Variants in DNTTIP1 observed in about 807,000 individuals in gnomAD.
DNTTIP1 encodes the protein deoxynucleotidyltransferase terminal interacting protein 1.
In DNTTIP1, 22 loss-of-function variants were observed where a neutral mutation model predicts 52.9. The ratio of observed to expected loss-of-function variants is 0.42; its 90% CI spans 0.30 to 0.59. The LOEUF (loss-of-function observed/expected upper bound fraction) is 0.59, where lower values mean the gene tolerates loss of function less well. Ranked by LOEUF, DNTTIP1 falls within the 20% of genes least tolerant of loss-of-function variation. DNTTIP1 has a pLI of 0.22. For synonymous variants in DNTTIP1, 136 were observed against 155.1 expected (o/e 0.88, Z 0.92); for missense variants, 286 against 435.5 (o/e 0.66, Z 3.06).
intron 1 of DNTTIP1, 59 bp from the exon 2 acceptor site, chr20:45,792,618 C>T (rs1376847212): frequency 3.1e-5 from 43 of 1,395,066 alleles, no homozygotes; most frequent in Non-Finnish European, 3.8e-5. Context: ...CCACCCTCCA[C>T]CTCCACCCCA....
chr20:45,807,123 A>C (rs1427507482), intron 10 of DNTTIP1, among the ~76,000 whole-genome samples: 1 of 151,418 alleles, frequency 6.6e-6, no homozygotes, highest in Non-Finnish European at 1.5e-5. Flanking sequence ...GTGATAGACC[A>C]ACCATTTTTT....
At chr20:45,794,106 C>G in intron 3 of DNTTIP1, 89 bp downstream of exon 3, 1 of 714,288 alleles carries the variant, frequency 1.4e-6, no homozygotes, top group East Asian at 3.0e-5. Flanking sequence ...CTCTTTCCTA[C>G]ATACAGATAT....
At chr20:45,795,094 G>A (rs1050688664) in intron 3 of DNTTIP1, among the ~76,000 whole-genome samples, 16 of 152,150 alleles carry the variant, frequency 1.1e-4, no homozygotes, top group South Asian at 2.1e-4. Flanking sequence ...CACCGCGCCC[G>A]TCCTGATTTT....
chr20:45,798,656 C>G (rs185253683), intron 4 of DNTTIP1, among the ~76,000 whole-genome samples: 2 of 152,074 alleles, frequency 1.3e-5, no homozygotes, highest in Non-Finnish European at 2.9e-5. Flanking sequence ...GTTCTTAGTA[C>G]CTGGGGTACT....
chr20:45,795,457 G>C lies in DNTTIP1; in HGVS notation c.372+14G>C, dbSNP rs1463548388. ...TGCCTGGAGCAGGTGAGACCAAAGG[G>C]GACAAGAGATGCAGGCACAAGGTTT... On this transcript the variant is annotated intron_variant, in intron 4 of 12. Transcript: ENST00000372622. 1 of 1,549,858 alleles carries C rather than the reference G, an allele frequency of 6.5e-7. No homozygotes were observed. The highest frequency in any genetic ancestry group is 8.8e-7 in the Non-Finnish European group (1 of 1,131,692).
intron 2 of DNTTIP1, among the ~76,000 whole-genome samples, chr20:45,793,656 C>G (rs538605302): frequency 6.6e-6 from 1 of 152,114 alleles, no homozygotes; most frequent in East Asian, 1.9e-4. Context: ...GCCAAAACCA[C>G]GCCACTGCAC....
In DNTTIP1 at chr20:45,809,264, A is replaced by T. The variant is rs1267281839; in HGVS notation, c.795+79A>T. 4 of 1,278,488 alleles carry T rather than the reference A, an allele frequency of 3.1e-6. No individual in the cohort carries two copies. The Admixed American group carries it at 6.9e-5, about 22-fold the overall frequency. The allele number at this position is 1,278,488 out of a possible 1,614,324, so 79.2% of individuals were successfully genotyped here. A position where few individuals can be genotyped will look rare whatever the true frequency, so the allele number is the denominator to read the frequency against. On this transcript the variant is annotated intron_variant, in intron 11 of 12. Transcript: ENST00000372622. This position sits in a 1 kb window ranked among gnomAD's most constrained non-coding sequence, Gnocchi z 4.2. ...GGATTTTGGCTGTGGGTGACAGCCT[A>T]CCTCCAAATCTGACTTCCAAAGCCT...
intron 10 of DNTTIP1, among the ~76,000 whole-genome samples, chr20:45,807,811 G>A (rs145969278): frequency 1.5e-3 from 234 of 151,388 alleles, no homozygotes; most frequent in Middle Eastern, 6.9e-3. Flanking sequence ...GCCGGGCATG[G>A]TGGTGCACTC....
At position 45,809,378 on chromosome 20, in the gene DNTTIP1, A is replaced by G. The variant is rs950339529; in HGVS notation, c.795+193A>G. Among the ~76,000 whole-genome samples, 18 of 152,294 alleles carry G rather than the reference A, an allele frequency of 1.2e-4. No homozygotes were observed. Among genetic ancestry groups the G allele is most frequent in the Non-Finnish European group, 1.9e-4 (13 of 68,008 alleles). On this transcript the variant is annotated intron_variant, in intron 11 of 12. Coordinates refer to ENST00000372622, the MANE Select transcript of DNTTIP1 (RefSeq NM_052951.3). The surrounding 1 kb of genome is among the most constrained non-coding windows in gnomAD (Gnocchi z 4.2). The stretch of plus-strand genomic sequence containing the variant: ...TCTTCAGGTTCCCTTCCCTATCCCT[A>G]GGTCTCCCTTCCGCCCCCTCACACT...
chr20:45,805,976 G>A (rs1601031273), intron 10 of DNTTIP1, among the ~76,000 whole-genome samples: 1 of 151,896 alleles, frequency 6.6e-6, no homozygotes, highest in Non-Finnish European at 1.5e-5. Context: ...CAGCTACTCA[G>A]GAGGCTGAGG....
chr20:45,805,269 T>A (rs1981596064), intron 9 of DNTTIP1, 37 bp from the exon 10 acceptor site: 3 of 1,614,014 alleles, frequency 1.9e-6, no homozygotes, highest in African/African-American at 1.3e-5. Flanking sequence ...AGGACTACAC[T>A]TTCTGGAATC....
rs1333949078 is a variant in DNTTIP1 at position 45,800,693 on chromosome 20, AAATATATATATATATATATATAT to A, written c.373-379_373-357del. Among the ~76,000 whole-genome samples, 143 of 30,544 alleles carry A rather than the reference AAATATATATATATATATATATAT, an allele frequency of 4.7e-3. 14 individuals are homozygous for A. Among genetic ancestry groups the A allele is most frequent in the African/African-American group, 8.6e-3 (49 of 5,696 alleles). The allele number at this position is 30,544 out of a possible 152,430, so 20.0% of individuals were successfully genotyped here. ...CCATCTCAATTTAAAAAAAAAAAAA[AAATATATATATATATATATATAT>A]ATATATATATATATATATATATATA... On this transcript the variant is annotated intron_variant, in intron 4 of 12. Coordinates refer to ENST00000372622, the MANE Select transcript of DNTTIP1 (RefSeq NM_052951.3).
chr20:45,796,699 A>T, intron 4 of DNTTIP1: 2 of 376,792 alleles, frequency 5.3e-6, no homozygotes, highest in South Asian at 2.0e-5. Flanking sequence ...TCACTTTCTC[A>T]CCTCCTATTC....
Position 45,792,118 on chromosome 20 carries a change from G to A in DNTTIP1, c.105+9G>A. 7.9e-7 allele frequency: 1 copy of A among 1,268,170 alleles called. No individual in the cohort carries two copies. Among genetic ancestry groups the A allele is most frequent in the Non-Finnish European group, 1.0e-6 (1 of 1,001,866 alleles). The allele number at this position is 1,268,170 out of a possible 1,614,324, so 78.6% of individuals were successfully genotyped here. A position where few individuals can be genotyped will look rare whatever the true frequency, so the allele number is the denominator to read the frequency against. On this transcript the variant is annotated intron_variant, in intron 1 of 12. Transcript: ENST00000372622. The stretch of plus-strand genomic sequence containing the variant: ...GGCAGCTGGTTCTTACGGTGAGGGC[G>A]CCCCCGGTGAGGTCTGGGCTCAGGC...
chr20:45,808,568 A>G (rs1489775726), intron 10 of DNTTIP1, among the ~76,000 whole-genome samples: 5 of 152,180 alleles, frequency 3.3e-5, no homozygotes, highest in African/African-American at 1.2e-4. Context: ...TGAACCCAGG[A>G]GGCGGAGGTT....
intron 4 of DNTTIP1, among the ~76,000 whole-genome samples, chr20:45,799,531 T>C (rs1981353912): frequency 6.6e-6 from 1 of 152,172 alleles, no homozygotes; most frequent in South Asian, 2.1e-4. Context: ...TCTGCCCAGC[T>C]TTTTTTACAG....
intron 7 of DNTTIP1, 105 bp from the exon 8 acceptor site, chr20:45,803,228 G>A: frequency 3.5e-6 from 4 of 1,134,810 alleles, no homozygotes; most frequent in East Asian, 2.5e-5. Context: ...GATGTCCAGG[G>A]CTAAAGTGAG....
rs1981034701 is a variant in DNTTIP1, at chr20:45,792,076, G to A, written c.72G>A (p.Gly24=). 3.1e-6 allele frequency: 4 copies of A among 1,286,870 alleles called. No individual in the cohort carries two copies. In the Admixed American group the frequency reaches 9.4e-5, roughly 30 times the overall value. The allele number at this position is 1,286,870 out of a possible 1,614,324, so 79.7% of individuals were successfully genotyped here. A position where few individuals can be genotyped will look rare whatever the true frequency, so the allele number is the denominator to read the frequency against. Residue 24 remains glycine (G), a synonymous_variant, in exon 1 of 13, where the codon GGG becomes GGA. Coordinates refer to ENST00000372622, the MANE Select transcript of DNTTIP1 (RefSeq NM_052951.3). The stretch of plus-strand genomic sequence containing the variant: ...CCGAGAGGGGCGGCTTGGAGCTGGG[G>A]GATGCGGGCGCAGCGGGGCAGCTGG... ...SGAERGGLEL[G]DAGAAGQLVL... is the part of the protein sequence containing the mutation.
chr20:45,794,119 A>G (rs1420874793), intron 3 of DNTTIP1, 102 bp downstream of exon 3: 6 of 624,402 alleles, frequency 9.6e-6, no homozygotes, highest in Non-Finnish European at 1.6e-5. Flanking sequence ...ACAGATATCT[A>G]AAGTTTTCCT....
Sources: allele counts gnomAD v4.1 joint callset (sites outside exome capture counted in the v4.1 genomes callset), GRCh38; gene constraint gnomAD v4.1.1; non-coding constraint Gnocchi (gnomAD v3.1); transcripts MANE v1.5; gene names NCBI Gene and HGNC (gene_info 2026-07-23, HGNC 2026-07-21).